ABTB3: variants seen among roughly 807,000 people sequenced by gnomAD.
ABTB3 encodes ankyrin repeat and BTB domain containing 3.
chr12:107,340,156 G>C, the ABTB3 span, among the ~76,000 whole-genome samples: 1 of 152,050 alleles, frequency 6.6e-6, no homozygotes, highest in Non-Finnish European at 1.5e-5. Flanking sequence ...CATTTACATA[G>C]TTATTAATCA....
the ABTB3 span, among the ~76,000 whole-genome samples, chr12:107,322,698 C>T: frequency 1.1e-3 from 39 of 34,464 alleles, no homozygotes; most frequent in Admixed American, 4.7e-3. Flanking sequence ...TGTATATTGA[C>T]CCATTTGATC....
chr12:107,509,564 A>G, the ABTB3 span, among the ~76,000 whole-genome samples: 1 of 152,216 alleles, frequency 6.6e-6, no homozygotes, highest in South Asian at 2.1e-4. Flanking sequence ...GAGAAACAGC[A>G]GCTCATAGCA....
At chr12:107,612,139 T>C in the ABTB3 span, among the ~76,000 whole-genome samples, 1 of 152,374 alleles carries the variant, frequency 6.6e-6, no homozygotes, top group Non-Finnish European at 1.5e-5. Flanking sequence ...AATAACCGAC[T>C]TTGTGACACT....
the ABTB3 span, chr12:107,615,248 T>C: frequency 3.9e-6 from 4 of 1,018,556 alleles, no homozygotes; most frequent in East Asian, 7.5e-5. Flanking sequence ...GCATGCATAT[T>C]CTCTAAGACA....
At chr12:107,483,918 C>T in the ABTB3 span, among the ~76,000 whole-genome samples, 5 of 152,190 alleles carry the variant, frequency 3.3e-5, no homozygotes, top group Non-Finnish European at 7.3e-5. Context: ...TCTTGAACTC[C>T]TGGCCTCAAG....
chr12:107,331,029 G>A, the ABTB3 span, among the ~76,000 whole-genome samples: 1 of 152,194 alleles, frequency 6.6e-6, no homozygotes, highest in South Asian at 2.1e-4. Context: ...GGTTGAGGCT[G>A]CATGGATTAA....
chr12:107,511,730 T>A, the ABTB3 span, among the ~76,000 whole-genome samples: 3 of 152,120 alleles, frequency 2.0e-5, no homozygotes, highest in South Asian at 4.1e-4. Context: ...TGGAAGGAAC[T>A]TCAAAATCAT....
chr12:107,563,792 T>C, the ABTB3 span, among the ~76,000 whole-genome samples: 1 of 152,140 alleles, frequency 6.6e-6, no homozygotes, highest in East Asian at 1.9e-4. Context: ...CAGGGAGAGA[T>C]GAACAAACAC....
At chr12:107,331,125 A>G in the ABTB3 span, among the ~76,000 whole-genome samples, 2 of 152,208 alleles carry the variant, frequency 1.3e-5, no homozygotes, top group African/African-American at 2.4e-5. Flanking sequence ...GTGCACAAGA[A>G]GCACACCAGA....
At chr12:107,327,356 T>C in the ABTB3 span, among the ~76,000 whole-genome samples, 1 of 152,232 alleles carries the variant, frequency 6.6e-6, no homozygotes, top group Non-Finnish European at 1.5e-5. Flanking sequence ...GCTTATATTC[T>C]TAATATGATA....
the ABTB3 span, chr12:107,635,244 C>A: frequency 6.3e-7 from 1 of 1,579,278 alleles, no homozygotes; most frequent in Non-Finnish European, 8.7e-7. Flanking sequence ...TGAGGCTGGC[C>A]ACAGCCCCCT....
chr12:107,335,425 A>G, the ABTB3 span, among the ~76,000 whole-genome samples: 2 of 151,580 alleles, frequency 1.3e-5, no homozygotes, highest in African/African-American at 2.4e-5. Context: ...AAATGCCCTC[A>G]GTATATCATC....
the ABTB3 span, among the ~76,000 whole-genome samples, chr12:107,503,756 CAAA>C: frequency 2.8e-5 from 2 of 70,760 alleles, no homozygotes; most frequent in Non-Finnish European, 2.5e-5. Flanking sequence ...GACCCTATCT[CAAA>C]AAAAAAAAAA....
chr12:107,549,708 G>C, the ABTB3 span, among the ~76,000 whole-genome samples: 2 of 152,188 alleles, frequency 1.3e-5, no homozygotes, highest in African/African-American at 4.8e-5. Context: ...AAAAATTGCA[G>C]TGTCAACCCT....
the ABTB3 span, among the ~76,000 whole-genome samples, chr12:107,490,302 C>T: frequency 6.6e-6 from 1 of 152,158 alleles, no homozygotes; most frequent in African/African-American, 2.4e-5. Flanking sequence ...GGGCAAGGAG[C>T]AGATGGTGAC....
chr12:107,622,254 G>T, the ABTB3 span, among the ~76,000 whole-genome samples: 2 of 152,108 alleles, frequency 1.3e-5, no homozygotes, highest in Non-Finnish European at 2.9e-5. Flanking sequence ...GGTTAAAAAA[G>T]GAGATAATTT....
the ABTB3 span, among the ~76,000 whole-genome samples, chr12:107,415,002 A>C: frequency 6.6e-6 from 1 of 152,096 alleles, no homozygotes; most frequent in African/African-American, 2.4e-5. Context: ...GCATGAAGCC[A>C]GTGTGCCCGG....
At chr12:107,608,968 T>G in the ABTB3 span, among the ~76,000 whole-genome samples, 1 of 101,856 alleles carries the variant, frequency 9.8e-6, no homozygotes, top group African/African-American at 3.9e-5. Context: ...TAAAATAAAA[T>G]ATAAAATAAA....
chr12:107,388,466 T>A, the ABTB3 span, among the ~76,000 whole-genome samples: 56 of 151,436 alleles, frequency 3.7e-4, no homozygotes, highest in African/African-American at 1.3e-3. Context: ...CTCCTCCTCT[T>A]CCCCCTCCTT....
Sources: allele counts gnomAD v4.1 joint callset (sites outside exome capture counted in the v4.1 genomes callset), GRCh38; gene constraint gnomAD v4.1.1; transcripts MANE v1.5; gene names NCBI Gene and HGNC (gene_info 2026-07-23, HGNC 2026-07-21).